Variants in BBOF1 observed in about 807,000 individuals in gnomAD.
BBOF1 encodes the protein basal body orientation factor 1.
Under a neutral mutation model 68.0 loss-of-function variants are expected in BBOF1, and 62 were observed. The ratio of observed to expected loss-of-function variants is 0.91; its 90% CI spans 0.74 to 1.13. The LOEUF is 1.13. Ranked by LOEUF, BBOF1 falls within the 50% of genes most tolerant of loss-of-function variation. The pLI, the probability that BBOF1 is intolerant of heterozygous loss-of-function variation, is 0.00. For synonymous variants in BBOF1, 208 were observed against 198.8 expected, an observed-to-expected ratio of 1.05 and a Z score of -0.39; for missense variants, 534 against 600.1, an observed-to-expected ratio of 0.89 and a Z score of 1.15.
intron 4 of BBOF1, among the ~76,000 whole-genome samples, chr14:74,034,570 A>G (rs1234441055): frequency 1.3e-5 from 2 of 152,244 alleles, no homozygotes; most frequent in Non-Finnish European, 2.9e-5. Context: ...GGTAGGGGTC[A>G]GTAGGGTGAG....
At chr14:74,079,457 A>G (rs980230915) in intron 10 of BBOF1, among the ~76,000 whole-genome samples, 2 of 145,828 alleles carry the variant, frequency 1.4e-5, no homozygotes, top group Non-Finnish European at 3.0e-5. Context: ...TTTTTGAGAC[A>G]GAGTCTCACT....
intron 8 of BBOF1, chr14:74,055,323 A>AT: frequency 3.0e-6 from 1 of 331,758 alleles, no homozygotes; most frequent in Non-Finnish European, 5.7e-6. Flanking sequence ...TAATTTTTGT[A>AT]TTTTTAGTAG....
chr14:74,065,162 A>T lies in BBOF1; in HGVS notation c.*463A>T, dbSNP rs2060440198. The T allele has an allele frequency of 6.2e-7, 1 of 1,613,352 alleles. No homozygotes were observed. Among genetic ancestry groups the T allele is most frequent in the South Asian group, 1.1e-5 (1 of 91,080 alleles). On this transcript the variant is annotated 3_prime_UTR_variant, in exon 12 of 12. Coordinates refer to ENST00000394009, the MANE Select transcript of BBOF1 (RefSeq NM_025057.3). ...TAGTAAATGGATATAAGAATCTCTTAAAAATTCTGTTCACGAACCTGTCCA... is the reference window on the plus strand; with the variant it reads ...TAGTAAATGGATATAAGAATCTCTTTAAAATTCTGTTCACGAACCTGTCCA...
At chr14:74,039,523 G>T (rs896266117) in intron 4 of BBOF1, among the ~76,000 whole-genome samples, 1 of 152,048 alleles carries the variant, frequency 6.6e-6, no homozygotes, top group East Asian at 1.9e-4. Context: ...CTGCCTCCTG[G>T]GTTCAAGCAA....
rs774696092 is a variant in BBOF1, at chr14:74,022,983, A to G, written c.124A>G (p.Arg42Gly). Residue 42 changes from arginine to glycine, a missense_variant, in exon 2 of 12, where the codon AGG becomes GGG. Coordinates refer to ENST00000394009, the MANE Select transcript of BBOF1 (RefSeq NM_025057.3). Reference protein sequence around the residue: ...AKANASLWEARLEVTELSRIK... With the variant: ...AKANASLWEAGLEVTELSRIK... ...GGCCAATGCCTCCCTTTGGGAGGCC[A>G]GGTTGGAAGTCACAGAACTCTCTAG... 5 of 1,613,254 alleles carry G rather than the reference A, an allele frequency of 3.1e-6. No individual in the cohort carries two copies. In the East Asian group the frequency reaches 1.1e-4, roughly 36 times the overall value.
At chr14:74,028,469 C>T (rs1015444834) in intron 2 of BBOF1, among the ~76,000 whole-genome samples, 1 of 18,078 alleles carries the variant, frequency 5.5e-5, no homozygotes, top group African/African-American at 1.2e-4. Flanking sequence ...TAAAGAAATA[C>T]ACACACACAC....
chr14:74,032,285 C>A (rs545466676), intron 3 of BBOF1, among the ~76,000 whole-genome samples: 2 of 151,800 alleles, frequency 1.3e-5, no homozygotes, highest in South Asian at 4.2e-4. Flanking sequence ...TGCCACCACA[C>A]CTGGCTAACT....
chr14:74,032,815 A>C (rs1010438799), intron 3 of BBOF1, among the ~76,000 whole-genome samples: 2 of 151,910 alleles, frequency 1.3e-5, no homozygotes, highest in African/African-American at 2.4e-5. Context: ...TCTTATTAGG[A>C]GCTAGATTGG....
chr14:74,075,790 A>G (rs1236404012), intron 9 of BBOF1, among the ~76,000 whole-genome samples: 1 of 152,242 alleles, frequency 6.6e-6, no homozygotes, highest in Non-Finnish European at 1.5e-5. Context: ...TGTTCATAAG[A>G]ACTTTATTTG....
chr14:74,072,509 G>A, intron 9 of BBOF1: 1 of 1,614,006 alleles, frequency 6.2e-7, no homozygotes, highest in Non-Finnish European at 8.5e-7. Flanking sequence ...AGGCTCATAA[G>A]TTGAAGTCCC....
intron 6 of BBOF1, 33 bp from the exon 7 acceptor site, chr14:74,047,897 G>T: frequency 6.4e-7 from 1 of 1,562,194 alleles, no homozygotes; most frequent in South Asian, 1.2e-5. Flanking sequence ...CTAAAAGTTA[G>T]ACCTGTGTTT....
rs2060433185 is a variant in BBOF1, at chr14:74,064,826, T to C, written c.*127T>C. On this transcript the variant is annotated 3_prime_UTR_variant, in exon 12 of 12. Coordinates refer to ENST00000394009, the MANE Select transcript of BBOF1 (RefSeq NM_025057.3). The stretch of plus-strand genomic sequence containing the variant: ...AAAATTTAACTCAAAAGTTACCTGT[T>C]TGCCATAGAAATTGGTGTCTCCCCT... The C allele has an allele frequency of 6.2e-7, 1 of 1,613,904 alleles. No homozygotes were observed. Among genetic ancestry groups the C allele is most frequent in the Non-Finnish European group, 8.5e-7 (1 of 1,179,922 alleles).
At chr14:74,044,394 T>C (rs917169280) in intron 5 of BBOF1, among the ~76,000 whole-genome samples, 1 of 152,112 alleles carries the variant, frequency 6.6e-6, no homozygotes, top group Admixed American at 6.6e-5. Context: ...GGGGACTGTA[T>C]AGCATCAGAT....
chr14:74,026,877 A>T (rs1303758126), intron 2 of BBOF1, among the ~76,000 whole-genome samples: 1 of 151,492 alleles, frequency 6.6e-6, no homozygotes, highest in East Asian at 2.0e-4. Flanking sequence ...GTGAGCTGAG[A>T]TTGCGCCACT....
downstream of BBOF1, among the ~76,000 whole-genome samples, chr14:74,069,662 A>C (rs2060521868): frequency 6.6e-6 from 1 of 151,842 alleles, no homozygotes; most frequent in South Asian, 2.1e-4. Flanking sequence ...CTGAGGCAGG[A>C]GAATTGCTTG....
intron 10 of BBOF1, 53 bp from the exon 11 acceptor site, chr14:74,057,091 G>A: frequency 1.9e-6 from 3 of 1,599,566 alleles, no homozygotes; most frequent in Non-Finnish European, 2.6e-6. Flanking sequence ...TTCTAAACCA[G>A]GTTTCATGTG....
chr14:74,077,014 G>A (rs1479651295), intron 9 of BBOF1, among the ~76,000 whole-genome samples: 1 of 152,196 alleles, frequency 6.6e-6, no homozygotes, highest in African/African-American at 2.4e-5. Context: ...CATGAAGGGT[G>A]CCTGCAGCAC....
intron 12 of BBOF1, among the ~76,000 whole-genome samples, chr14:74,081,813 A>G (rs2060670532): frequency 6.6e-6 from 1 of 152,214 alleles, no homozygotes; most frequent in African/African-American, 2.4e-5. Context: ...TGCCTAACAT[A>G]GAAAGAGATG....
At chr14:74,030,253 A>G (rs918008468) in intron 3 of BBOF1, among the ~76,000 whole-genome samples, 1 of 151,972 alleles carries the variant, frequency 6.6e-6, no homozygotes, top group Non-Finnish European at 1.5e-5. Flanking sequence ...GAGTTTTGCT[A>G]TATTGCCCAG....
Sources: allele counts gnomAD v4.1 joint callset (sites outside exome capture counted in the v4.1 genomes callset), GRCh38; gene constraint gnomAD v4.1.1; transcripts MANE v1.5; gene names NCBI Gene and HGNC (gene_info 2026-07-23, HGNC 2026-07-21).